Variants in ASTN2 observed in about 807,000 individuals in gnomAD.
The protein encoded by ASTN2 is astrotactin 2, also known as astrotactin-2.
In ASTN2, 54 loss-of-function variants were observed where a neutral mutation model predicts 139.8. The observed-to-expected ratio is 0.39, with a 90% CI of 0.31 to 0.48. The LOEUF is 0.48. Ranked by LOEUF, ASTN2 falls within the 20% of genes least tolerant of loss-of-function variation. The pLI is 0.95. For missense variants in ASTN2, 1,565 were observed against 1,725.1 expected (o/e 0.91, Z 1.64); for synonymous variants, 756 against 719.5 (o/e 1.05, Z -0.81).
intron 2 of ASTN2, among the ~76,000 whole-genome samples, chr9:117,267,342 G>A (rs1833959992): frequency 6.6e-6 from 1 of 152,026 alleles, no homozygotes; most frequent in Non-Finnish European, 1.5e-5. Flanking sequence ...GAGAAACTGG[G>A]GAAATAATAG....
intron 3 of ASTN2, among the ~76,000 whole-genome samples, chr9:117,150,320 C>T (rs1830299044): frequency 6.6e-6 from 1 of 152,154 alleles, no homozygotes; most frequent in Admixed American, 6.6e-5. Flanking sequence ...CTTTCACCTC[C>T]CTCAACTAAT....
At chr9:117,155,482 T>C (rs1830412962) in intron 3 of ASTN2, among the ~76,000 whole-genome samples, 1 of 149,950 alleles carries the variant, frequency 6.7e-6, no homozygotes, top group Non-Finnish European at 1.5e-5. Context: ...AGAAATGTGA[T>C]AAAAAGAAAG....
At chr9:116,798,729 T>C (rs1167508272) in intron 13 of ASTN2, among the ~76,000 whole-genome samples, 1 of 152,218 alleles carries the variant, frequency 6.6e-6, no homozygotes, top group South Asian at 2.1e-4. Flanking sequence ...AAAGTTATGA[T>C]AGCCAAGTTT....
intron 1 of ASTN2, among the ~76,000 whole-genome samples, chr9:117,334,184 G>A (rs1828801902): frequency 6.6e-6 from 1 of 152,184 alleles, no homozygotes; most frequent in African/African-American, 2.4e-5. Context: ...GTTGGCCTGA[G>A]AGTCATCATT....
At chr9:116,637,913 CTGGGTGA>C (rs1281482599) in intron 17 of ASTN2, among the ~76,000 whole-genome samples, 1 of 152,198 alleles carries the variant, frequency 6.6e-6, no homozygotes, top group African/African-American at 2.4e-5. Context: ...GCACTCCAGC[CTGGGTGA>C]CAGAGTGAGA....
Position 116,450,042 on chromosome 9 carries a change from A to T in ASTN2, c.3498-7489T>A, listed in dbSNP as rs187141264. ...ATGAGCAAAATCAAATGGTGATTTT[A>T]AGCTGCTAAGTTTTGGGGTCATTTG... On this transcript the variant is annotated intron_variant, in intron 20 of 22. Transcript: ENST00000313400. 8.9e-4 allele frequency among the ~76,000 whole-genome samples: 135 copies of T among 152,334 alleles called. 1 individual carries two copies. Among genetic ancestry groups the T allele is most frequent in the Admixed American group, 7.0e-3 (107 of 15,296 alleles).
chr9:117,412,290 C>T (rs149035334), intron 1 of ASTN2, among the ~76,000 whole-genome samples: 36 of 152,188 alleles, frequency 2.4e-4, no homozygotes, highest in Non-Finnish European at 4.4e-4. Flanking sequence ...CTCAGCGCTG[C>T]CAAGGAGGCC....
intron 10 of ASTN2, among the ~76,000 whole-genome samples, chr9:116,925,678 C>G (rs916327326): frequency 6.6e-6 from 1 of 151,584 alleles, no homozygotes; most frequent in Non-Finnish European, 1.5e-5. Flanking sequence ...AAATAGAAAC[C>G]CTGCTACTCC....
chr9:117,166,299 G>A (rs1001632065), intron 3 of ASTN2, among the ~76,000 whole-genome samples: 3 of 152,010 alleles, frequency 2.0e-5, no homozygotes, highest in Admixed American at 6.6e-5. Context: ...CAAATCCTCC[G>A]GTATGGCTCC....
chr9:116,648,246 C>T (rs1233478940), intron 17 of ASTN2, among the ~76,000 whole-genome samples: 2 of 152,022 alleles, frequency 1.3e-5, no homozygotes, highest in Non-Finnish European at 2.9e-5. Flanking sequence ...ATGATCAGCC[C>T]GTCTCGGCCT....
At chr9:117,201,483 T>C (rs1040699469) in intron 3 of ASTN2, among the ~76,000 whole-genome samples, 7 of 152,088 alleles carry the variant, frequency 4.6e-5, no homozygotes, top group Admixed American at 3.3e-4. Flanking sequence ...TTTAGTGCTA[T>C]AAATTTCTCT....
chr9:116,727,235 T>C (rs1828653550), intron 15 of ASTN2, among the ~76,000 whole-genome samples: 1 of 152,120 alleles, frequency 6.6e-6, no homozygotes, highest in Admixed American at 6.5e-5. Context: ...TATCCGCACA[T>C]GCATCCTCCC....
chr9:116,931,227 T>C (rs1216543490), intron 10 of ASTN2, among the ~76,000 whole-genome samples: 1 of 152,230 alleles, frequency 6.6e-6, no homozygotes, highest in Non-Finnish European at 1.5e-5. Context: ...AGCCTCATCA[T>C]TCAAACTGAT....
chr9:117,249,251 C>A (rs534751993), intron 2 of ASTN2, among the ~76,000 whole-genome samples: 22 of 152,254 alleles, frequency 1.4e-4, no homozygotes, highest in African/African-American at 5.1e-4. Context: ...AGAAAAGGAT[C>A]CACGGGAAAT....
intron 10 of ASTN2, among the ~76,000 whole-genome samples, chr9:116,897,798 TGG>T (rs143593686): frequency 0.011 from 1,744 of 152,116 alleles, 34 homozygotes; most frequent in African/African-American, 0.038. Flanking sequence ...AGCATTCCTA[TGG>T]GTAGGTTACA....
chr9:116,498,022 C>T (rs554815389), intron 19 of ASTN2, among the ~76,000 whole-genome samples: 4 of 152,172 alleles, frequency 2.6e-5, no homozygotes, highest in African/African-American at 4.8e-5. Context: ...AGGTTGCTGA[C>T]GGTGGGCCCT....
At chr9:117,354,710 G>T (rs1829489125) in intron 1 of ASTN2, among the ~76,000 whole-genome samples, 1 of 151,890 alleles carries the variant, frequency 6.6e-6, no homozygotes, top group Non-Finnish European at 1.5e-5. Context: ...CCTCCCTCCA[G>T]CAACACAGGC....
intron 1 of ASTN2, among the ~76,000 whole-genome samples, chr9:117,313,734 A>G (rs1828048416): frequency 9.9e-5 from 15 of 152,178 alleles, no homozygotes; most frequent in Admixed American, 9.8e-4. Context: ...CTCACATGGT[A>G]AGACACAGAG....
intron 22 of ASTN2, among the ~76,000 whole-genome samples, chr9:116,428,202 C>A (rs757088834): frequency 2.0e-5 from 3 of 152,120 alleles, no homozygotes; most frequent in African/African-American, 7.2e-5. Flanking sequence ...ATGTGTTGAG[C>A]CTCCTAAATG....
Sources: gnomAD v4.1 joint callset for allele counts (sites outside exome capture counted in the v4.1 genomes callset) on GRCh38, gnomAD v4.1.1 for gene constraint, MANE v1.5 for transcripts, NCBI Gene and HGNC (gene_info 2026-07-23, HGNC 2026-07-21) for gene names.